DIAPH2: variants seen among roughly 807,000 people sequenced by gnomAD.
The protein encoded by DIAPH2 is protein diaphanous homolog 2.
DIAPH2 carries 35 observed loss-of-function variants against 92.7 expected under a neutral mutation model. The observed-to-expected ratio is 0.38, with a 90% CI of 0.29 to 0.50. The LOEUF (loss-of-function observed/expected upper bound fraction) is 0.50, where lower values mean the gene tolerates loss of function less well. DIAPH2 is among the 20% of genes least tolerant of loss of function. The pLI, the probability that DIAPH2 is intolerant of heterozygous loss-of-function variation, is 0.94. For missense variants in DIAPH2, 701 were observed against 819.5 expected (o/e 0.86, Z 1.77); for synonymous variants, 301 against 280.4 (o/e 1.07, Z -0.73).
chrX:97,001,365 C>T (rs2066142269), intron 17 of DIAPH2, among the ~76,000 whole-genome samples: 1 of 111,907 alleles, frequency 8.9e-6, no homozygotes, highest in African/African-American at 3.3e-5. Context: ...CAAAGCCAGT[C>T]CAGGTGCGGT....
intron 4 of DIAPH2, among the ~76,000 whole-genome samples, chrX:96,875,417 ACTTTT>A (rs1225944949): frequency 1.1e-4 from 12 of 112,330 alleles, no homozygotes; most frequent in Admixed American, 8.5e-4. Context: ...ACAACCTTAT[ACTTTT>A]CTTTCATTAA....
At chrX:97,021,444 C>T (rs773376501) in intron 17 of DIAPH2, among the ~76,000 whole-genome samples, 3 of 111,808 alleles carry the variant, frequency 2.7e-5, no homozygotes, top group South Asian at 3.8e-4. Context: ...GAAATCCACC[C>T]GCCTTGGCTT....
chrX:97,573,807 A>C (rs1007745502), intron 26 of DIAPH2, among the ~76,000 whole-genome samples: 1 of 108,729 alleles, frequency 9.2e-6, no homozygotes, highest in Non-Finnish European at 1.9e-5. Flanking sequence ...ATTATAGGTG[A>C]CCGCCACCAC....
chrX:96,987,050 G>A (rs1403312380), intron 17 of DIAPH2, among the ~76,000 whole-genome samples: 1 of 111,143 alleles, frequency 9.0e-6, no homozygotes, highest in African/African-American at 3.3e-5. Context: ...CCTAAATTCA[G>A]TGTAACTGAA....
At chrX:97,282,833 T>A (rs1363391905) in intron 23 of DIAPH2, among the ~76,000 whole-genome samples, 1 of 111,906 alleles carries the variant, frequency 8.9e-6, no homozygotes, top group African/African-American at 3.2e-5. Context: ...TGTTTCTCCC[T>A]TACCAAAATG....
At chrX:96,849,323 GC>G (rs1569412359) in intron 4 of DIAPH2, among the ~76,000 whole-genome samples, 2 of 110,988 alleles carry the variant, frequency 1.8e-5, no homozygotes, top group Non-Finnish European at 1.9e-5. Flanking sequence ...GTGCCACCAC[GC>G]CCGGATAATT....
chrX:97,357,467 C>T (rs1288071419), intron 24 of DIAPH2, among the ~76,000 whole-genome samples: 2 of 104,509 alleles, frequency 1.9e-5, no homozygotes, highest in African/African-American at 7.0e-5. Context: ...CTCTTCTTCT[C>T]CCCCCTCCTT....
intron 21 of DIAPH2, among the ~76,000 whole-genome samples, chrX:97,134,024 A>T (rs1185540736): frequency 8.9e-6 from 1 of 112,576 alleles, no homozygotes; most frequent in African/African-American, 3.2e-5. Flanking sequence ...GTTGGAAGGC[A>T]TGAATAATCT....
intron 22 of DIAPH2, among the ~76,000 whole-genome samples, chrX:97,183,125 T>A (rs926274051): frequency 1.8e-5 from 2 of 111,979 alleles, no homozygotes; most frequent in Admixed American, 1.9e-4. Context: ...TAATCAGCAA[T>A]CTAAGTTTTT....
At chrX:97,253,318 A>AAAATAAAATAAAAT (rs2068206224) in intron 23 of DIAPH2, among the ~76,000 whole-genome samples, 3 of 17,230 alleles carry the variant, frequency 1.7e-4, no homozygotes, top group Non-Finnish European at 7.3e-4. Context: ...TAAAATAAAA[A>AAAATAAAATAAAAT]AAGAGGAAAA....
chrX:96,908,612 T>G (rs775634124), intron 5 of DIAPH2, among the ~76,000 whole-genome samples: 20 of 111,126 alleles, frequency 1.8e-4, no homozygotes, highest in South Asian at 3.9e-4. Flanking sequence ...TTGTTTGTTT[T>G]TTTTGAGACC....
intron 19 of DIAPH2, among the ~76,000 whole-genome samples, chrX:97,091,860 A>AGTT (rs750207397): frequency 1.8e-5 from 2 of 111,726 alleles, no homozygotes; most frequent in Non-Finnish European, 3.8e-5. Context: ...ACAACTAGGT[A>AGTT]GTTTAAATTC....
At chrX:97,089,242 C>T (rs1213779434) in intron 19 of DIAPH2, among the ~76,000 whole-genome samples, 1 of 111,762 alleles carries the variant, frequency 8.9e-6, no homozygotes, top group African/African-American at 3.3e-5. Flanking sequence ...GGAGGTGTCA[C>T]AGGTCTAGAG....
chrX:97,257,077 C>T (rs897440984), intron 23 of DIAPH2, among the ~76,000 whole-genome samples: 2 of 109,958 alleles, frequency 1.8e-5, no homozygotes, highest in Admixed American at 2.0e-4. Flanking sequence ...TTTTATGTTG[C>T]AAATGTAAGA....
chrX:97,209,204 T>C lies in DIAPH2; in HGVS notation c.2720-38511T>C, dbSNP rs772405928. ...CCAAGATCTGTAAACATTTTTCTAC[T>C]CTTCAATTTTCTAGAAAAATTGTTT... On this transcript the variant is annotated intron_variant, in intron 22 of 26. Coordinates refer to ENST00000324765, the MANE Select transcript of DIAPH2 (RefSeq NM_006729.5). 2.7e-5 allele frequency among the ~76,000 whole-genome samples: 3 copies of C among 111,108 alleles called. No homozygotes were observed. The South Asian group carries it at 1.2e-3, about 43-fold the overall frequency.
intron 4 of DIAPH2, among the ~76,000 whole-genome samples, chrX:96,854,598 C>CTATAT (rs2065025816): frequency 5.4e-5 from 2 of 37,122 alleles, no homozygotes; most frequent in Non-Finnish European, 1.0e-4. Flanking sequence ...CTCTCTCTCT[C>CTATAT]ATATATATAT....
chrX:97,259,523 C>T (rs1237777430), intron 23 of DIAPH2, among the ~76,000 whole-genome samples: 1 of 111,837 alleles, frequency 8.9e-6, no homozygotes, highest in Non-Finnish European at 1.9e-5. Flanking sequence ...CTTCTCCCTG[C>T]TTCCAGCCAC....
At chrX:97,224,545 A>G (rs2067950648) in intron 22 of DIAPH2, among the ~76,000 whole-genome samples, 1 of 112,243 alleles carries the variant, frequency 8.9e-6, no homozygotes, top group Non-Finnish European at 1.9e-5. Context: ...TCATGAATGC[A>G]GTAAATTATT....
rs1430043008 is a variant in DIAPH2 at position 97,602,564 on chromosome X, C to CTGTT, written c.*3248_*3251dup. The CTGTT allele has an allele frequency of 3.6e-5, 4 of 112,467 alleles. No homozygotes were observed. The highest frequency in any genetic ancestry group is 5.6e-5 in the Non-Finnish European group (3 of 53,299). The allele number at this position is 112,467 out of a possible 1,213,427, so 9.3% of individuals were successfully genotyped here. A position where few individuals can be genotyped will look rare whatever the true frequency, so the allele number is the denominator to read the frequency against. ...TTTCAAAATCTAGCCAGGCAAATTT[C>CTGTT]TGTTATATTTCAAGGCCTGGCAGTA... On this transcript the variant is annotated 3_prime_UTR_variant, in exon 27 of 27. Coordinates refer to ENST00000324765, the MANE Select transcript of DIAPH2 (RefSeq NM_006729.5).
Sources: gnomAD v4.1 joint callset for allele counts (sites outside exome capture counted in the v4.1 genomes callset) on GRCh38, gnomAD v4.1.1 for gene constraint, MANE v1.5 for transcripts, NCBI Gene and HGNC (gene_info 2026-07-23, HGNC 2026-07-21) for gene names.